ARID2: variants seen among roughly 807,000 people sequenced by gnomAD.
The protein encoded by ARID2 is AT-rich interaction domain 2.
In ARID2, 32 loss-of-function variants were observed where a neutral mutation model predicts 184.6. The observed-to-expected ratio is 0.17, with a 90% CI of 0.13 to 0.23. The LOEUF (loss-of-function observed/expected upper bound fraction) is 0.23. Among genes scored for constraint, ARID2 ranks in the 10% least tolerant of loss-of-function variants. The pLI, the probability that ARID2 is intolerant of heterozygous loss-of-function variation, is 1.00. For missense variants in ARID2, 1,696 were observed against 2,197.6 expected, an observed-to-expected ratio of 0.77 and a Z score of 4.56; for synonymous variants, 836 against 772.6, an observed-to-expected ratio of 1.08 and a Z score of -1.36.
rs541063414 is a variant in ARID2, at chr12:45,850,353, G to T, written c.2230G>T (p.Val744Phe). ...VGGGPPQSSV[V>F]QNHSTGPQPV... ...AGGAGGACCTCCACAGAGTTCTGTTGTTCAGAATCATAGTACAGGGCCACA... is the reference window on the plus strand; with the variant it reads ...AGGAGGACCTCCACAGAGTTCTGTTTTTCAGAATCATAGTACAGGGCCACA... The change falls in exon 15 of 21, where the codon GTT becomes TTT. Residue 744 changes from valine (V) to phenylalanine (F), a missense_variant. Transcript: ENST00000334344. 6.2e-7 allele frequency: 1 copy of T among 1,614,100 alleles called. No individual in the cohort carries two copies. Among genetic ancestry groups the T allele is most frequent in the South Asian group, 1.1e-5 (1 of 91,084 alleles).
intron 3 of ARID2, among the ~76,000 whole-genome samples, chr12:45,794,168 C>T (rs553337024): frequency 3.9e-5 from 6 of 152,208 alleles, no homozygotes; most frequent in Non-Finnish European, 7.3e-5. Flanking sequence ...TCCACCCATA[C>T]ACTTAATGCC....
Position 45,851,626 on chromosome 12 carries a change from C to G in ARID2, c.3503C>G (p.Ser1168Cys), listed in dbSNP as rs2138172461. The stretch of plus-strand genomic sequence containing the variant: ...CCAGCAACCATTTTCCAAGGGACTT[C>G]TGGCAACCAGGTAACCATAACAGTT... Reference protein sequence around the residue: ...NSPATIFQGTSGNQVTITVVP... With the variant: ...NSPATIFQGTCGNQVTITVVP... The change falls in exon 15 of 21, where the codon TCT becomes TGT. Residue 1168 changes from serine (S) to cysteine (C), a missense_variant. By Grantham distance (112) the Ser-to-Cys change is moderately radical. This residue lies in a region of ARID2 where 12 missense variants were observed against 28.6 expected (regional missense o/e 0.42). Transcript: ENST00000334344. 1 of 1,614,196 alleles carries G rather than the reference C, an allele frequency of 6.2e-7. No individual in the cohort carries two copies. The highest frequency in any genetic ancestry group is 8.5e-7 in the Non-Finnish European group (1 of 1,180,006).
rs375559217 is a variant in ARID2, at chr12:45,846,893, T to A, written c.1536T>A (p.Pro512=). ...TTGTAGCGCAGCATGTTGCTCCACC[T>A]CCAGGAATAGTGGAAATAGATAGTG... ...RAVVAQHVAP[P]PGIVEIDSEK... is the part of the protein sequence containing the mutation. The change falls in exon 12 of 21, where the codon CCT becomes CCA. Residue 512 remains proline, a synonymous_variant. Transcript: ENST00000334344. The A allele has an allele frequency of 6.2e-7, 1 of 1,613,018 alleles. No individual in the cohort carries two copies. Among genetic ancestry groups the A allele is most frequent in the Non-Finnish European group, 8.5e-7 (1 of 1,179,338 alleles).
chr12:45,777,248 G>GTA (rs1942002197), intron 3 of ARID2, among the ~76,000 whole-genome samples: 1 of 152,056 alleles, frequency 6.6e-6, no homozygotes, highest in Non-Finnish European at 1.5e-5. Flanking sequence ...TCATAGTATA[G>GTA]TATATATTGT....
intron 16 of ARID2, among the ~76,000 whole-genome samples, chr12:45,871,453 A>G (rs967112703): frequency 6.6e-6 from 1 of 152,084 alleles, no homozygotes; most frequent in Non-Finnish European, 1.5e-5. Context: ...CCTGTAATAA[A>G]TTTTACTTTG....
chr12:45,894,055 G>T, intron 20 of ARID2: 1 of 181,238 alleles, frequency 5.5e-6, no homozygotes, highest in Non-Finnish European at 1.1e-5. Flanking sequence ...TGAATCACGT[G>T]GAGTCCAAAT....
intron 16 of ARID2, among the ~76,000 whole-genome samples, chr12:45,864,978 A>G (rs775174120): frequency 1.4e-4 from 21 of 152,148 alleles, no homozygotes; most frequent in Non-Finnish European, 2.6e-4. Flanking sequence ...TTGTAGTATT[A>G]CTGTGAGCTA....
chr12:45,834,260 CT>C lies in ARID2; in HGVS notation c.706-2317del, dbSNP rs76017277. ...GTATTTTTCTAAATTTTAAATTTAC[CT>C]TTTTTTTTTTTCTACCCCATGACTT... On this transcript the variant is annotated intron_variant, in intron 6 of 20. Coordinates refer to ENST00000334344, the MANE Select transcript of ARID2 (RefSeq NM_152641.4). Among the ~76,000 whole-genome samples the C allele has an allele frequency of 9.9e-3, 1,450 of 145,988 alleles. 13 individuals carry two copies. The highest frequency in any genetic ancestry group is 0.029 in the African/African-American group (1,148 of 40,082).
chr12:45,821,306 C>A, intron 5 of ARID2, 114 bp from the exon 6 acceptor site: 1 of 540,572 alleles, frequency 1.8e-6, no homozygotes, highest in Non-Finnish European at 3.1e-6. Flanking sequence ...ATTTTTAGTA[C>A]ACAAGATATA....
At chr12:45,778,775 G>GA (rs1299969497) in intron 3 of ARID2, among the ~76,000 whole-genome samples, 2 of 151,586 alleles carry the variant, frequency 1.3e-5, no homozygotes, top group Non-Finnish European at 2.9e-5. Context: ...AAAATCTTTG[G>GA]AAAATAATGG....
At chr12:45,756,664 T>C (rs1941577762) in intron 3 of ARID2, among the ~76,000 whole-genome samples, 1 of 152,202 alleles carries the variant, frequency 6.6e-6, no homozygotes, top group Non-Finnish European at 1.5e-5. Flanking sequence ...TGGGTTTGCT[T>C]TTGCTTAGAA....
chr12:45,833,284 C>G (rs535985857), intron 6 of ARID2, among the ~76,000 whole-genome samples: 1 of 152,182 alleles, frequency 6.6e-6, no homozygotes, highest in East Asian at 1.9e-4. Flanking sequence ...CATCATAAGT[C>G]AAGGAACATC....
chr12:45,900,124 G>A (rs1944439286), intron 20 of ARID2, among the ~76,000 whole-genome samples: 1 of 152,076 alleles, frequency 6.6e-6, no homozygotes, highest in Non-Finnish European at 1.5e-5. Context: ...TCCGTGGCGT[G>A]ATCTCGGCTC....
At chr12:45,832,011 A>G (rs1373350348) in intron 6 of ARID2, among the ~76,000 whole-genome samples, 1 of 151,916 alleles carries the variant, frequency 6.6e-6, no homozygotes, top group Non-Finnish European at 1.5e-5. Flanking sequence ...GTTAGCACTT[A>G]TTTTCCTCCT....
In ARID2 at chr12:45,897,724, G is replaced by A. The variant is rs551755805; in HGVS notation, c.5363+4003G>A. 2.3e-4 allele frequency among the ~76,000 whole-genome samples: 35 copies of A among 152,180 alleles called. 1 individual carries two copies. The highest frequency in any genetic ancestry group is 6.8e-3 in the Middle Eastern group (2 of 294). ...GGAAGCAACCTAAGTGTCTATCATCGATGATAGACAAAATGTGGCATGTAC... is the reference window on the plus strand; with the variant it reads ...GGAAGCAACCTAAGTGTCTATCATCAATGATAGACAAAATGTGGCATGTAC... On this transcript the variant is annotated intron_variant, in intron 20 of 20. Coordinates refer to ENST00000334344, the MANE Select transcript of ARID2 (RefSeq NM_152641.4).
At chr12:45,765,939 C>T (rs1408199474) in intron 3 of ARID2, among the ~76,000 whole-genome samples, 2 of 152,072 alleles carry the variant, frequency 1.3e-5, no homozygotes, top group Admixed American at 6.5e-5. Flanking sequence ...ACAATTTGTA[C>T]TCTTTTAGTC....
At chr12:45,746,845 C>T (rs1415602102) in intron 3 of ARID2, among the ~76,000 whole-genome samples, 2 of 152,200 alleles carry the variant, frequency 1.3e-5, no homozygotes, top group African/African-American at 2.4e-5. Context: ...AGGCTCACTG[C>T]AAGCTCCGCC....
At chr12:45,875,391 AT>A (rs1314045164) in intron 16 of ARID2, among the ~76,000 whole-genome samples, 2 of 152,234 alleles carry the variant, frequency 1.3e-5, no homozygotes, top group Admixed American at 1.3e-4. Flanking sequence ...GGCAATGTAG[AT>A]TTAGCATAAT....
intron 16 of ARID2, among the ~76,000 whole-genome samples, chr12:45,887,454 A>G (rs933068156): frequency 6.6e-6 from 1 of 152,188 alleles, no homozygotes; most frequent in Admixed American, 6.5e-5. Context: ...TATATACTTA[A>G]GTGTGGGATT....
Sources: allele counts gnomAD v4.1 joint callset (sites outside exome capture counted in the v4.1 genomes callset), GRCh38; gene constraint gnomAD v4.1.1; regional missense constraint gnomAD v4.1.1; transcripts MANE v1.5; gene names NCBI Gene and HGNC (gene_info 2026-07-23, HGNC 2026-07-21).